The following ERAP1 variants were observed in gnomAD, a reference collection of about 807,000 sequenced individuals.
The protein encoded by ERAP1 is endoplasmic reticulum aminopeptidase 1, also known as adipocyte-derived leucine aminopeptidase.
In ERAP1, 86 loss-of-function variants were observed where a neutral mutation model predicts 103.7. The observed-to-expected ratio is 0.83, with a 90% CI of 0.70 to 0.99. The LOEUF is 0.99. Ranked by LOEUF, ERAP1 falls within the 50% of genes least tolerant of loss-of-function variation. The pLI is 0.00. For missense variants in ERAP1, 1,009 were observed against 1,128.4 expected (o/e 0.89, Z 1.52); for synonymous variants, 398 against 402.4 (o/e 0.99, Z 0.13).
At chr5:96,806,499 A>T (rs1324092729) in intron 1 of ERAP1, among the ~76,000 whole-genome samples, 2 of 152,226 alleles carry the variant, frequency 1.3e-5, no homozygotes, top group Non-Finnish European at 2.9e-5. Context: ...TTCTCATTCA[A>T]GGTGGGGTAA....
chr5:96,854,869 C>G, the ERAP1 span, among the ~76,000 whole-genome samples: 6,065 of 152,174 alleles, frequency 0.04, 239 homozygotes, highest in East Asian at 0.12. Flanking sequence ...CCAAGGGTAG[C>G]CTTTTTAATC....
chr5:96,900,059 T>A, the ERAP1 span: 1 of 1,584,314 alleles, frequency 6.3e-7, no homozygotes. Context: ...CCATGGCTAA[T>A]GTGCACGTTC....
intron 19 of ERAP1, among the ~76,000 whole-genome samples, chr5:96,764,030 T>C (rs1768940377): frequency 6.6e-6 from 1 of 151,902 alleles, no homozygotes; most frequent in African/African-American, 2.4e-5. Context: ...GGATAGTGTA[T>C]GTGAAAACAT....
chr5:96,879,466 A>AT, the ERAP1 span: 2 of 474,894 alleles, frequency 4.2e-6, no homozygotes, highest in East Asian at 6.5e-5. Context: ...CAGAGAGCAG[A>AT]TTTTCCCTTA....
At chr5:96,909,864 G>GAA in the ERAP1 span, 7 of 1,186,894 alleles carry the variant, frequency 5.9e-6, no homozygotes, top group Non-Finnish European at 7.0e-6. Context: ...AGTGAGGATA[G>GAA]AAAAAAAAAC....
downstream of ERAP1, chr5:96,772,252 G>A (rs1207577032): frequency 1.3e-5 from 2 of 153,772 alleles, no homozygotes; most frequent in Non-Finnish European, 2.9e-5. Flanking sequence ...GAAGAAACTG[G>A]ACAGATTGAA....
Position 96,786,535 on chromosome 5 carries a change from A to T in ERAP1, c.1694T>A (p.Val565Asp), listed in dbSNP as rs759741257. 3.1e-6 allele frequency: 5 copies of T among 1,611,658 alleles called. No individual in the cohort carries two copies. Among genetic ancestry groups the T allele is most frequent in the Non-Finnish European group, 4.2e-6 (5 of 1,177,978 alleles). The part of the protein sequence containing the change: ...GAPDTGYLWH[V>D]PLTFITSKSD... ...TTTGCTGGTGATGAATGTCAATGGAACATGCCACAGGTACCTAAAATAAAG... is the reference window on the plus strand; with the variant it reads ...TTTGCTGGTGATGAATGTCAATGGATCATGCCACAGGTACCTAAAATAAAG... The change falls in exon 12 of 19, where the codon GTT becomes GAT. Residue 565 changes from valine to aspartate, a missense_variant. Transcript: ENST00000443439.
At chr5:96,863,463 T>A in the ERAP1 span, among the ~76,000 whole-genome samples, 3 of 152,216 alleles carry the variant, frequency 2.0e-5, no homozygotes, top group African/African-American at 7.2e-5. Flanking sequence ...ACCTTTCATT[T>A]GTGTCTCCTG....
At chr5:96,781,425 A>C (rs1269884837) in intron 16 of ERAP1, among the ~76,000 whole-genome samples, 2 of 152,164 alleles carry the variant, frequency 1.3e-5, no homozygotes, top group Non-Finnish European at 2.9e-5. Flanking sequence ...CATTTGCTCA[A>C]AAGAATAGTT....
At chr5:96,908,987 C>T in the ERAP1 span, 1 of 1,614,136 alleles carries the variant, frequency 6.2e-7, no homozygotes, top group East Asian at 2.2e-5. Flanking sequence ...CTAGACAAAG[C>T]TCTTGACATG....
rs1057403822 is a variant in ERAP1 at position 96,780,502 on chromosome 5, A to C, written c.2591T>G (p.Phe864Cys). Residue 864 changes from phenylalanine to cysteine, a missense_variant and splice_region_variant, in exon 18 of 19, where the codon TTT (phenylalanine) becomes TGT (cysteine). Phe to Cys is a radical substitution (Grantham distance 205, BLOSUM62 -2). Coordinates refer to ENST00000443439, the MANE Select transcript of ERAP1 (RefSeq NM_001040458.3). ...RKNWNKLVQK[F>C]ELGSSSIAHM... ...GGCTATGGAAGATGAGCCAAGTTCA[A>C]ACCTAGAGAGGGAAATATTCAAAAA... The C allele has an allele frequency of 1.2e-6, 2 of 1,611,214 alleles. No homozygotes were observed. Among genetic ancestry groups the C allele is most frequent in the Admixed American group, 1.7e-5 (1 of 60,014 alleles).
the ERAP1 span, among the ~76,000 whole-genome samples, chr5:96,847,964 A>T: frequency 6.6e-6 from 1 of 152,130 alleles, no homozygotes; most frequent in African/African-American, 2.4e-5. Flanking sequence ...AATAACAAAG[A>T]TTACAGCAGA....
At chr5:96,928,093 T>C in the ERAP1 span, among the ~76,000 whole-genome samples, 1 of 152,132 alleles carries the variant, frequency 6.6e-6, no homozygotes, top group Admixed American at 6.5e-5. Flanking sequence ...TTTGTATTTT[T>C]AGCTAAGCTG....
exon 20 of ERAP1, chr5:96,763,025 C>A: frequency 1.4e-6 from 1 of 704,768 alleles, no homozygotes; most frequent in Non-Finnish European, 2.6e-6. Flanking sequence ...GACCACAGCA[C>A]ATCAAATTAT....
the ERAP1 span, chr5:96,880,207 T>G: frequency 6.2e-7 from 1 of 1,614,100 alleles, no homozygotes; most frequent in Non-Finnish European, 8.5e-7. Context: ...AGTTAGGTGA[T>G]GGCTTTGAAG....
exon 20 of ERAP1, chr5:96,762,715 C>A: frequency 3.7e-6 from 1 of 269,722 alleles, no homozygotes; most frequent in Non-Finnish European, 6.9e-6. Flanking sequence ...TGATTTTCTC[C>A]TTTATATTTT....
the ERAP1 span, among the ~76,000 whole-genome samples, chr5:96,931,786 C>G: frequency 6.6e-6 from 1 of 152,140 alleles, no homozygotes; most frequent in Non-Finnish European, 1.5e-5. Context: ...CAACTTTTGA[C>G]CATATGGTAG....
chr5:96,857,078 C>T, the ERAP1 span, among the ~76,000 whole-genome samples: 2 of 152,200 alleles, frequency 1.3e-5, no homozygotes, highest in African/African-American at 4.8e-5. Context: ...CCAGATGTCT[C>T]CTATACTTTC....
At chr5:96,881,625 T>G in the ERAP1 span, 3 of 405,952 alleles carry the variant, frequency 7.4e-6, no homozygotes, top group Non-Finnish European at 1.5e-5. Context: ...GCAGCTCAGA[T>G]TGCTATAGTG....
Sources: gnomAD v4.1 joint callset for allele counts (sites outside exome capture counted in the v4.1 genomes callset) on GRCh38, gnomAD v4.1.1 for gene constraint, MANE v1.5 for transcripts, NCBI Gene and HGNC (gene_info 2026-07-23, HGNC 2026-07-21) for gene names.